The following STXBP6 variants were observed in gnomAD, a reference collection of about 807,000 sequenced individuals.
STXBP6 encodes syntaxin binding protein 6, also known as syntaxin-binding protein 6.
A neutral mutation model predicts 26.9 loss-of-function variants in STXBP6; 21 were observed. The ratio of observed to expected loss-of-function variants is 0.78; its 90% CI spans 0.55 to 1.12. The LOEUF (loss-of-function observed/expected upper bound fraction) is 1.12. Ranked by LOEUF, STXBP6 falls within the 50% of genes most tolerant of loss-of-function variation. The pLI, the probability that STXBP6 is intolerant of heterozygous loss-of-function variation, is 0.00. For synonymous variants in STXBP6, 97 were observed against 92.6 expected, an observed-to-expected ratio of 1.05 and a Z score of -0.27; for missense variants, 232 against 257.9, an observed-to-expected ratio of 0.90 and a Z score of 0.69.
At chr14:25,042,820 G>A (rs2140511112) in intron 1 of STXBP6, among the ~76,000 whole-genome samples, 1 of 152,346 alleles carries the variant, frequency 6.6e-6, no homozygotes, top group African/African-American at 2.4e-5. Context: ...CTGTTAAAGA[G>A]AGAAGAATGT....
At chr14:24,882,005 T>A (rs1194387465) in intron 2 of STXBP6, among the ~76,000 whole-genome samples, 1 of 152,120 alleles carries the variant, frequency 6.6e-6, no homozygotes, top group East Asian at 1.9e-4. Context: ...CCTCTCACTA[T>A]CACATCTTAA....
intron 1 of STXBP6, among the ~76,000 whole-genome samples, chr14:24,989,694 T>A (rs550004607): frequency 1.3e-5 from 2 of 152,096 alleles, no homozygotes; most frequent in African/African-American, 4.8e-5. Flanking sequence ...ATCCTCCAAT[T>A]AACCTATTTC....
At chr14:25,033,558 A>G (rs150677822) in intron 1 of STXBP6, among the ~76,000 whole-genome samples, 5 of 152,260 alleles carry the variant, frequency 3.3e-5, no homozygotes, top group Admixed American at 6.5e-5. Context: ...CCCCTTGCTC[A>G]TACCAAGGTC....
chr14:24,971,246 GAA>G (rs1468391985), intron 2 of STXBP6, among the ~76,000 whole-genome samples: 3 of 152,078 alleles, frequency 2.0e-5, no homozygotes, highest in Non-Finnish European at 2.9e-5. Context: ...ATCACACAAA[GAA>G]AAGTTAGTAA....
At chr14:24,817,014 G>C (rs1450809141) in intron 5 of STXBP6, 2 of 152,110 alleles carry the variant, frequency 1.3e-5, no homozygotes, top group African/African-American at 4.8e-5. Context: ...TCAATTCTCT[G>C]AACACTCTAG....
intron 2 of STXBP6, among the ~76,000 whole-genome samples, chr14:24,911,832 C>T (rs747237069): frequency 2.6e-5 from 4 of 152,196 alleles, no homozygotes; most frequent in Non-Finnish European, 5.9e-5. Flanking sequence ...CAAATATGCA[C>T]GTGCACATTT....
chr14:25,031,239 A>C (rs796473389), intron 1 of STXBP6, among the ~76,000 whole-genome samples: 12 of 152,338 alleles, frequency 7.9e-5, no homozygotes, highest in African/African-American at 2.9e-4. Context: ...ATGACCTTAA[A>C]CTGAAAAATA....
At chr14:25,014,867 T>C (rs1043070478) in intron 1 of STXBP6, among the ~76,000 whole-genome samples, 1 of 152,242 alleles carries the variant, frequency 6.6e-6, no homozygotes, top group Admixed American at 6.5e-5. Context: ...CTCTTGGATA[T>C]AGGGAATATG....
intron 2 of STXBP6, among the ~76,000 whole-genome samples, chr14:24,868,710 T>C (rs540776480): frequency 1.3e-5 from 2 of 152,210 alleles, no homozygotes; most frequent in African/African-American, 4.8e-5. Context: ...GGAGTGGGCA[T>C]GAAAGCAGGG....
chr14:24,855,050 A>G (rs2069279453), intron 4 of STXBP6, among the ~76,000 whole-genome samples: 1 of 152,116 alleles, frequency 6.6e-6, no homozygotes, highest in Non-Finnish European at 1.5e-5. Flanking sequence ...TAACTTCTCT[A>G]TACAACTTCT....
At chr14:24,906,401 T>C (rs2071388503) in intron 2 of STXBP6, among the ~76,000 whole-genome samples, 1 of 152,198 alleles carries the variant, frequency 6.6e-6, no homozygotes, top group Non-Finnish European at 1.5e-5. Context: ...TATAGTTCAA[T>C]TCAATCAATA....
chr14:24,974,849 A>G lies in STXBP6; in HGVS notation c.-31T>C. 2 of 1,531,612 alleles carry G rather than the reference A, an allele frequency of 1.3e-6. No individual in the cohort carries two copies. Among genetic ancestry groups the G allele is most frequent in the Non-Finnish European group, 1.8e-6 (2 of 1,131,704 alleles). The allele number at this position is 1,531,612 out of a possible 1,614,324, so 94.9% of individuals were successfully genotyped here. ...AACAAGTGAGGACAGCACGCAGTGAATCTTTTAAAGAAGGAAAAGAAAGGA... is the reference window on the plus strand; with the variant it reads ...AACAAGTGAGGACAGCACGCAGTGAGTCTTTTAAAGAAGGAAAAGAAAGGA... On this transcript the variant is annotated splice_region_variant and 5_prime_UTR_variant, in exon 2 of 6. Transcript: ENST00000323944.
intron 2 of STXBP6, among the ~76,000 whole-genome samples, chr14:24,942,433 G>T (rs2072836613): frequency 6.6e-6 from 1 of 152,162 alleles, no homozygotes; most frequent in Admixed American, 6.5e-5. Context: ...GGGTGAAGCT[G>T]GGAAGGAGGA....
At chr14:24,849,713 A>G (rs1261809617) in intron 4 of STXBP6, among the ~76,000 whole-genome samples, 3 of 152,170 alleles carry the variant, frequency 2.0e-5, no homozygotes. Flanking sequence ...ATTTCACTGC[A>G]GTGTCACAAC....
At chr14:24,908,487 G>A (rs2071459331) in intron 2 of STXBP6, among the ~76,000 whole-genome samples, 1 of 152,196 alleles carries the variant, frequency 6.6e-6, no homozygotes, top group Non-Finnish European at 1.5e-5. Context: ...CCAGATCATG[G>A]CTGTTGACAA....
At chr14:24,878,437 A>C (rs567281054) in intron 2 of STXBP6, among the ~76,000 whole-genome samples, 149 of 152,154 alleles carry the variant, frequency 9.8e-4, no homozygotes, top group African/African-American at 3.4e-3. Context: ...AGTTATTCTA[A>C]CACCATTTCT....
intron 2 of STXBP6, among the ~76,000 whole-genome samples, chr14:24,925,267 A>G (rs1361003534): frequency 6.6e-6 from 1 of 152,214 alleles, no homozygotes; most frequent in Non-Finnish European, 1.5e-5. Context: ...ATGCACATAG[A>G]TGAACAAAGC....
intron 2 of STXBP6, among the ~76,000 whole-genome samples, chr14:24,857,471 C>T (rs1161928089): frequency 6.6e-6 from 1 of 151,904 alleles, no homozygotes; most frequent in Non-Finnish European, 1.5e-5. Flanking sequence ...TCAATGGAGG[C>T]TATAAGTGCA....
At chr14:24,903,739 C>T (rs1344086151) in intron 2 of STXBP6, among the ~76,000 whole-genome samples, 2 of 152,124 alleles carry the variant, frequency 1.3e-5, no homozygotes, top group African/African-American at 2.4e-5. Context: ...CTTAAAAACC[C>T]AGTTTAAAGC....
Sources: gnomAD v4.1 joint callset for allele counts (sites outside exome capture counted in the v4.1 genomes callset) on GRCh38, gnomAD v4.1.1 for gene constraint, MANE v1.5 for transcripts, NCBI Gene and HGNC (gene_info 2026-07-23, HGNC 2026-07-21) for gene names.